PHACTR1: variants seen among roughly 807,000 people sequenced by gnomAD.
PHACTR1 encodes the protein RPEL repeat containing 1.
In PHACTR1, 16 loss-of-function variants were observed where a neutral mutation model predicts 69.2. The ratio of observed to expected loss-of-function variants is 0.23; its 90% CI spans 0.16 to 0.35. The LOEUF (loss-of-function observed/expected upper bound fraction) is 0.35. PHACTR1 is among the 10% of genes least tolerant of loss of function. The pLI is 1.00. For synonymous variants in PHACTR1, 312 were observed against 284.5 expected, an observed-to-expected ratio of 1.10 and a Z score of -0.97; for missense variants, 510 against 734.7, an observed-to-expected ratio of 0.69 and a Z score of 3.54.
At chr6:13,026,574 G>C (rs1406576933) in intron 4 of PHACTR1, among the ~76,000 whole-genome samples, 1 of 152,096 alleles carries the variant, frequency 6.6e-6, no homozygotes, top group Non-Finnish European at 1.5e-5. Context: ...GAAGGAGACG[G>C]ATTTCTCTTT....
chr6:13,196,428 T>TTTGTTTTTTTTTTG (rs1479460432), intron 7 of PHACTR1: 8 of 165,604 alleles, frequency 4.8e-5, no homozygotes, highest in South Asian at 1.1e-4. Context: ...TTCTTTTTTT[T>TTTGTTTTTTTTTTG]TTTGTTTTTT....
At chr6:12,754,911 CT>C (rs1174800775) in intron 4 of PHACTR1, among the ~76,000 whole-genome samples, 10 of 152,314 alleles carry the variant, frequency 6.6e-5, no homozygotes, top group Non-Finnish European at 1.5e-4. Context: ...TATGCAAATA[CT>C]ACACTATTTT....
At chr6:12,830,134 AAAGAAAGAAAG>A (rs1210871374) in intron 4 of PHACTR1, among the ~76,000 whole-genome samples, 2 of 144,328 alleles carry the variant, frequency 1.4e-5, no homozygotes, top group African/African-American at 5.3e-5. Flanking sequence ...AGAAAGAAAG[AAAGAAAGAAAG>A]AAAGAAAGAA....
intron 4 of PHACTR1, among the ~76,000 whole-genome samples, chr6:12,888,352 C>G (rs1432466374): frequency 6.6e-6 from 1 of 152,102 alleles, no homozygotes; most frequent in Non-Finnish European, 1.5e-5. Context: ...TTTTGGACTT[C>G]CCAGCCTCCA....
intron 5 of PHACTR1, among the ~76,000 whole-genome samples, chr6:13,104,060 G>A (rs985868594): frequency 9.9e-5 from 15 of 152,016 alleles, no homozygotes; most frequent in African/African-American, 3.6e-4. Context: ...CTCCAGCCTG[G>A]GCAACAGAGT....
chr6:12,933,360 A>G (rs554628727), intron 4 of PHACTR1, among the ~76,000 whole-genome samples: 1 of 152,358 alleles, frequency 6.6e-6, no homozygotes, highest in South Asian at 2.1e-4. Flanking sequence ...ATAATTATAT[A>G]AATTAAAATG....
intron 4 of PHACTR1, among the ~76,000 whole-genome samples, chr6:12,795,602 A>G (rs1259084909): frequency 1.3e-5 from 2 of 152,198 alleles, no homozygotes; most frequent in East Asian, 3.9e-4. Context: ...CATCCAACCA[A>G]ACAATGTGGG....
chr6:12,976,272 T>A lies in PHACTR1; in HGVS notation c.251-77093T>A, dbSNP rs190350594. ...ATATTCTAATAAAGTCAAGTATAGG[T>A]TTAACTCCTTTAGGAAACAATCAAA... is the stretch of plus-strand genomic sequence containing the variant. On this transcript the variant is annotated intron_variant, in intron 4 of 14. Coordinates refer to ENST00000332995, the MANE Select transcript of PHACTR1 (RefSeq NM_030948.6). Among the ~76,000 whole-genome samples the A allele has an allele frequency of 3.1e-3, 468 of 152,280 alleles. 2 individuals carry two copies. The highest frequency in any genetic ancestry group is 0.01 in the African/African-American group (422 of 41,546).
At chr6:13,084,155 A>G in intron 5 of PHACTR1, among the ~76,000 whole-genome samples, 1 of 152,122 alleles carries the variant, frequency 6.6e-6, no homozygotes, top group Non-Finnish European at 1.5e-5. Context: ...CTGGATTAAG[A>G]AAATGTGGCA....
chr6:13,211,885 T>G (rs189540745), intron 8 of PHACTR1, among the ~76,000 whole-genome samples: 1 of 152,330 alleles, frequency 6.6e-6, no homozygotes, highest in Admixed American at 6.5e-5. Context: ...AGATCGTGAC[T>G]GTCTTTGTCT....
intron 4 of PHACTR1, among the ~76,000 whole-genome samples, chr6:12,964,847 T>G (rs531333158): frequency 4.2e-4 from 64 of 152,292 alleles, no homozygotes; most frequent in African/African-American, 1.4e-3. Context: ...GCCTGCATGG[T>G]AGGTACAAAT....
intron 4 of PHACTR1, among the ~76,000 whole-genome samples, chr6:13,047,529 G>A (rs981218538): frequency 2.0e-5 from 3 of 152,000 alleles, no homozygotes; most frequent in South Asian, 2.1e-4. Context: ...AAGCAAAAGC[G>A]AAGGTTATCA....
intron 4 of PHACTR1, among the ~76,000 whole-genome samples, chr6:12,880,178 A>C (rs755621051): frequency 6.6e-6 from 1 of 152,044 alleles, no homozygotes; most frequent in Non-Finnish European, 1.5e-5. Flanking sequence ...ATTCAGGGAC[A>C]GATTTGGAGA....
chr6:13,260,904 A>G (rs1775818168), intron 10 of PHACTR1, among the ~76,000 whole-genome samples: 1 of 152,262 alleles, frequency 6.6e-6, no homozygotes, highest in Non-Finnish European at 1.5e-5. Flanking sequence ...TTGATTCAGT[A>G]GAGCAAGGCT....
At chr6:12,916,920 G>T (rs186102117) in intron 4 of PHACTR1, among the ~76,000 whole-genome samples, 2 of 152,178 alleles carry the variant, frequency 1.3e-5, no homozygotes, top group African/African-American at 4.8e-5. Flanking sequence ...AGTGATGAAT[G>T]ACTAATGTTT....
chr6:13,171,735 G>A (rs1760648075), intron 6 of PHACTR1, among the ~76,000 whole-genome samples: 1 of 152,016 alleles, frequency 6.6e-6, no homozygotes, highest in South Asian at 2.1e-4. Flanking sequence ...ATTTTGAAAT[G>A]GCCATCCCCT....
At chr6:13,206,831 T>C (rs1359992316) in intron 8 of PHACTR1, among the ~76,000 whole-genome samples, 2 of 152,076 alleles carry the variant, frequency 1.3e-5, no homozygotes, top group East Asian at 3.9e-4. Context: ...ATATACATCT[T>C]AGGGATGTGA....
intron 5 of PHACTR1, among the ~76,000 whole-genome samples, chr6:13,067,279 A>G (rs35305875): frequency 0.17 from 26,428 of 152,194 alleles, 2,860 homozygotes; most frequent in South Asian, 0.39. Context: ...GGGAGACTCA[A>G]TAATTGCCAG....
At chr6:13,003,534 T>G (rs1056852431) in intron 4 of PHACTR1, among the ~76,000 whole-genome samples, 4 of 152,184 alleles carry the variant, frequency 2.6e-5, no homozygotes, top group African/African-American at 7.2e-5. Flanking sequence ...CCAGGAATTT[T>G]TTTTTCTAGA....
Sources: allele counts gnomAD v4.1 joint callset (sites outside exome capture counted in the v4.1 genomes callset), GRCh38; gene constraint gnomAD v4.1.1; transcripts MANE v1.5; gene names NCBI Gene and HGNC (gene_info 2026-07-23, HGNC 2026-07-21).